MOCOS: variants seen among roughly 807,000 people sequenced by gnomAD.
MOCOS encodes the protein molybdenum cofactor sulfurase.
MOCOS carries 86 observed loss-of-function variants against 83.6 expected under a neutral mutation model. The ratio of observed to expected loss-of-function variants is 1.03; its 90% CI spans 0.86 to 1.23. The LOEUF (loss-of-function observed/expected upper bound fraction) is 1.23. MOCOS is among the 50% of genes most tolerant of loss of function. The pLI is 0.00. For synonymous variants in MOCOS, 445 were observed against 434.7 expected, an observed-to-expected ratio of 1.02 and a Z score of -0.29; for missense variants, 1,120 against 1,126.9, an observed-to-expected ratio of 0.99 and a Z score of 0.09.
chr18:36,266,593 A>C (rs770484908), intron 13 of MOCOS, among the ~76,000 whole-genome samples, 156 bp from the exon 14 acceptor site: 11 of 152,084 alleles, frequency 7.2e-5, no homozygotes, highest in Non-Finnish European at 1.6e-4. Context: ...GCTGACAAAC[A>C]AATGCAGATG....
intron 12 of MOCOS, among the ~76,000 whole-genome samples, chr18:36,259,312 G>A (rs572930073): frequency 1.3e-5 from 2 of 151,974 alleles, no homozygotes; most frequent in African/African-American, 2.4e-5. Context: ...GGGCATGGTG[G>A]CACATGCTTG....
chr18:36,239,431 A>T (rs1034398065), intron 9 of MOCOS, among the ~76,000 whole-genome samples: 3 of 151,368 alleles, frequency 2.0e-5, no homozygotes, highest in Admixed American at 6.6e-5. Context: ...TGGGTTGAAA[A>T]TTCTTTTCTT....
At chr18:36,222,974 ATATCTTTGAGGTTAAC>A (rs2091502339) in intron 9 of MOCOS, among the ~76,000 whole-genome samples, 1 of 152,170 alleles carries the variant, frequency 6.6e-6, no homozygotes, top group African/African-American at 2.4e-5. Context: ...AGTTCCTTAT[ATATCTTTGAGGTTAAC>A]TACTTTTTCA....
At chr18:36,203,315 A>C in intron 5 of MOCOS, 126 bp downstream of exon 5, 1 of 888,428 alleles carries the variant, frequency 1.1e-6, no homozygotes, top group East Asian at 2.5e-5. Context: ...ATGTAGTTAA[A>C]TTTGATTCCT....
At chr18:36,261,202 C>T (rs1248359108) in intron 13 of MOCOS, among the ~76,000 whole-genome samples, 1 of 152,054 alleles carries the variant, frequency 6.6e-6, no homozygotes, top group East Asian at 1.9e-4. Flanking sequence ...ACAGGCTGAA[C>T]ATCCTTAATC....
intron 13 of MOCOS, among the ~76,000 whole-genome samples, chr18:36,263,322 C>T (rs181629411): frequency 1.3e-5 from 2 of 152,102 alleles, no homozygotes; most frequent in Non-Finnish European, 2.9e-5. Flanking sequence ...GTGAATTAGG[C>T]CTTTATTGCA....
rs2091658332 is a variant in MOCOS, at chr18:36,260,126, T to C, written c.2360T>C (p.Phe787Ser). 1.2e-6 allele frequency: 2 copies of C among 1,614,064 alleles called. No individual in the cohort carries two copies. The highest frequency in any genetic ancestry group is 3.3e-5 in the Admixed American group (2 of 59,996). ...ANIIINGKRAFEEEKWDEISI... is the reference protein window; with the variant it reads ...ANIIINGKRASEEEKWDEISI... ...ATTATTATCAATGGAAAAAGGGCTT[T>C]TGAAGAAGAGAAATGGGATGAGATT... Residue 787 changes from phenylalanine (F) to serine (S), a missense_variant, in exon 13 of 15, where the codon TTT becomes TCT. Physicochemically the swap from Phe to Ser is radical, Grantham distance 155. Transcript: ENST00000261326.
intron 9 of MOCOS, 123 bp downstream of exon 9, chr18:36,220,340 T>TAA: frequency 1.0e-5 from 11 of 1,048,154 alleles, no homozygotes; most frequent in South Asian, 2.0e-5. Context: ...ACCTCATCTC[T>TAA]ACAAAAAAAA....
At position 36,223,960 on chromosome 18, in the gene MOCOS, T is replaced by A. The variant is rs1035225043; in HGVS notation, c.1960+3743T>A. On this transcript the variant is annotated intron_variant, in intron 9 of 14. Coordinates refer to ENST00000261326, the MANE Select transcript of MOCOS (RefSeq NM_017947.4). ...AATCCTCCTGCTTCAGCCTCCTGAGTAGCTGGGACAACAGGCATGTGCCAC... is the reference window on the plus strand; with the variant it reads ...AATCCTCCTGCTTCAGCCTCCTGAGAAGCTGGGACAACAGGCATGTGCCAC... Among the ~76,000 whole-genome samples the A allele has an allele frequency of 5.3e-5, 8 of 152,254 alleles. 1 individual carries two copies. In the South Asian group the frequency reaches 1.7e-3, roughly 32 times the overall value.
At chr18:36,235,290 A>AC (rs1413445706) in intron 9 of MOCOS, among the ~76,000 whole-genome samples, 3 of 93,144 alleles carry the variant, frequency 3.2e-5, no homozygotes, top group Admixed American at 2.6e-4. Context: ...CCCTCCCCCC[A>AC]CCCACAACAG....
chr18:36,247,456 T>C (rs188235090), intron 9 of MOCOS, among the ~76,000 whole-genome samples: 103 of 152,304 alleles, frequency 6.8e-4, no homozygotes, highest in Admixed American at 6.7e-3. Context: ...GGAGCTTCCT[T>C]CACCCTGTGG....
chr18:36,225,298 C>T (rs759864355), intron 9 of MOCOS, among the ~76,000 whole-genome samples: 3 of 152,008 alleles, frequency 2.0e-5, no homozygotes, highest in Admixed American at 6.6e-5. Context: ...ACTACAGGTG[C>T]GCACCACCAT....
At chr18:36,229,974 C>T (rs1193142686) in intron 9 of MOCOS, among the ~76,000 whole-genome samples, 4 of 152,038 alleles carry the variant, frequency 2.6e-5, no homozygotes, top group African/African-American at 7.2e-5. Context: ...AACCATATTA[C>T]TCTGTTTCAT....
At chr18:36,221,149 C>T (rs2091494526) in intron 9 of MOCOS, among the ~76,000 whole-genome samples, 1 of 152,102 alleles carries the variant, frequency 6.6e-6, no homozygotes, top group South Asian at 2.1e-4. Context: ...TCAAACTATA[C>T]CTTGTCCAGT....
At chr18:36,227,680 G>A (rs561352295) in intron 9 of MOCOS, among the ~76,000 whole-genome samples, 66 of 152,272 alleles carry the variant, frequency 4.3e-4, no homozygotes, top group Non-Finnish European at 7.6e-4. Context: ...ATAGGTGTGA[G>A]CCACTGTGCC....
intron 11 of MOCOS, among the ~76,000 whole-genome samples, chr18:36,253,724 G>C (rs964019151): frequency 6.6e-6 from 1 of 151,988 alleles, no homozygotes; most frequent in African/African-American, 2.4e-5. Flanking sequence ...ATGGTTACCA[G>C]GGAGCAGCAT....
At chr18:36,240,708 C>A (rs1443808164) in intron 9 of MOCOS, among the ~76,000 whole-genome samples, 1 of 152,216 alleles carries the variant, frequency 6.6e-6, no homozygotes, top group Non-Finnish European at 1.5e-5. Flanking sequence ...GCAAGCTGGG[C>A]AATGGTGGGC....
intron 13 of MOCOS, among the ~76,000 whole-genome samples, chr18:36,261,332 A>G (rs1007154464): frequency 6.6e-6 from 1 of 152,302 alleles, no homozygotes. Flanking sequence ...GGAATGCTCA[A>G]CTGGTTAAGT....
At chr18:36,243,140 C>T (rs1459617685) in intron 9 of MOCOS, among the ~76,000 whole-genome samples, 2 of 152,136 alleles carry the variant, frequency 1.3e-5, no homozygotes, top group South Asian at 2.1e-4. Flanking sequence ...TGAAACTTTA[C>T]TAACTTCATT....
Sources: allele counts gnomAD v4.1 joint callset (sites outside exome capture counted in the v4.1 genomes callset), GRCh38; gene constraint gnomAD v4.1.1; transcripts MANE v1.5; gene names NCBI Gene and HGNC (gene_info 2026-07-23, HGNC 2026-07-21).